Variants in GRID1 observed in about 807,000 individuals in gnomAD.
GRID1 encodes glutamate ionotropic receptor delta type subunit 1.
Under a neutral mutation model 98.0 loss-of-function variants are expected in GRID1, and 28 were observed. The observed-to-expected ratio is 0.29, with a 90% CI of 0.21 to 0.39. The LOEUF (loss-of-function observed/expected upper bound fraction) is 0.39. Among genes scored for constraint, GRID1 ranks in the 10% least tolerant of loss-of-function variants. The pLI is 1.00. For synonymous variants in GRID1, 553 were observed against 538.5 expected (o/e 1.03, Z -0.37); for missense variants, 1,111 against 1,340.5 (o/e 0.83, Z 2.67).
intron 4 of GRID1, among the ~76,000 whole-genome samples, chr10:85,985,208 T>G (rs1253062400): frequency 6.6e-6 from 1 of 152,206 alleles, no homozygotes; most frequent in East Asian, 1.9e-4. Context: ...GATGTTTCTA[T>G]CTCAAGTTGC....
intron 8 of GRID1, among the ~76,000 whole-genome samples, chr10:85,781,323 T>C (rs532323116): frequency 6.6e-6 from 1 of 152,330 alleles, no homozygotes; most frequent in African/African-American, 2.4e-5. Flanking sequence ...GAAGAACATT[T>C]CCCTTCAAAT....
chr10:86,249,656 T>C (rs1846789295), intron 2 of GRID1, among the ~76,000 whole-genome samples: 2 of 151,588 alleles, frequency 1.3e-5, no homozygotes, highest in African/African-American at 2.4e-5. Flanking sequence ...CAGGCCTCTA[T>C]GCCTTTGCCC....
At chr10:85,804,340 A>G (rs2132756168) in intron 8 of GRID1, among the ~76,000 whole-genome samples, 1 of 152,058 alleles carries the variant, frequency 6.6e-6, no homozygotes, top group East Asian at 1.9e-4. Context: ...AGAACTAAGA[A>G]TTCTAAATAG....
chr10:85,845,124 AC>A (rs1233134447), intron 8 of GRID1, among the ~76,000 whole-genome samples: 17 of 151,986 alleles, frequency 1.1e-4, no homozygotes, highest in Admixed American at 3.9e-4. Context: ...TAAAAAAAAA[AC>A]AATTAGAAAT....
intron 2 of GRID1, among the ~76,000 whole-genome samples, chr10:86,346,245 C>T (rs918128089): frequency 1.3e-5 from 2 of 152,260 alleles, no homozygotes; most frequent in Admixed American, 1.3e-4. Flanking sequence ...GCCCACCTTA[C>T]ACCCCTTAAG....
At chr10:85,648,830 T>C (rs1259027455) in intron 12 of GRID1, among the ~76,000 whole-genome samples, 1 of 152,200 alleles carries the variant, frequency 6.6e-6, no homozygotes, top group Non-Finnish European at 1.5e-5. Context: ...CCTTGTGGGC[T>C]TCTATGGCAG....
intron 4 of GRID1, among the ~76,000 whole-genome samples, chr10:85,966,739 G>A (rs764371127): frequency 1.4e-4 from 21 of 151,968 alleles, no homozygotes; most frequent in Middle Eastern, 6.8e-3. Flanking sequence ...ACTTGAACCC[G>A]AGAGGCAGAG....
chr10:86,095,274 C>T (rs1428190500), intron 4 of GRID1, among the ~76,000 whole-genome samples: 3 of 152,146 alleles, frequency 2.0e-5, no homozygotes, highest in Non-Finnish European at 4.4e-5. Context: ...ATTGGAAAAA[C>T]TCTTCCAGAC....
chr10:86,069,809 A>AT (rs1175214238), intron 4 of GRID1, among the ~76,000 whole-genome samples: 1 of 152,198 alleles, frequency 6.6e-6, no homozygotes, highest in African/African-American at 2.4e-5. Context: ...CCTGTTAGCC[A>AT]TAACACTCCT....
At chr10:86,259,412 T>C (rs186144655) in intron 2 of GRID1, among the ~76,000 whole-genome samples, 1 of 152,358 alleles carries the variant, frequency 6.6e-6, no homozygotes. Context: ...TGTGTGCGTG[T>C]AAACAATGCG....
intron 6 of GRID1, among the ~76,000 whole-genome samples, chr10:85,865,901 TTACATATATACATATA>T (rs1390812384): frequency 2.1e-5 from 2 of 95,118 alleles, no homozygotes; most frequent in African/African-American, 9.5e-5. Context: ...ATAAAGTGTT[TTACATATATACATATA>T]TATATATATA....
intron 12 of GRID1, among the ~76,000 whole-genome samples, chr10:85,677,377 AG>A (rs1247351735): frequency 3.9e-5 from 6 of 152,170 alleles, no homozygotes; most frequent in Non-Finnish European, 1.5e-5. Context: ...GATTCAGTTG[AG>A]GGGGAGTAGG....
At chr10:86,161,865 A>G (rs2131986964) in intron 3 of GRID1, among the ~76,000 whole-genome samples, 1 of 152,380 alleles carries the variant, frequency 6.6e-6, no homozygotes, top group South Asian at 2.1e-4. Flanking sequence ...CCAAGAGGAA[A>G]TCAAACAAAA....
intron 12 of GRID1, among the ~76,000 whole-genome samples, chr10:85,669,081 T>C (rs932983191): frequency 6.6e-6 from 1 of 152,194 alleles, no homozygotes; most frequent in Non-Finnish European, 1.5e-5. Flanking sequence ...AATCACAGGG[T>C]TCCCCATTCT....
chr10:85,635,045 A>C (rs1285811671), intron 13 of GRID1, among the ~76,000 whole-genome samples: 3 of 147,116 alleles, frequency 2.0e-5, no homozygotes, highest in African/African-American at 7.5e-5. Context: ...ATCAGATTTA[A>C]GAGAAGTCAA....
intron 2 of GRID1, among the ~76,000 whole-genome samples, chr10:86,266,267 CA>C (rs1847101369): frequency 6.6e-6 from 1 of 152,116 alleles, no homozygotes; most frequent in South Asian, 2.1e-4. Context: ...CACCAACCCC[CA>C]ATGCACAGCA....
intron 4 of GRID1, among the ~76,000 whole-genome samples, chr10:86,011,120 T>C (rs1009733873): frequency 6.9e-6 from 1 of 144,304 alleles, no homozygotes; most frequent in African/African-American, 2.4e-5. Context: ...AATAGCCGAT[T>C]GCAATAAGAA....
intron 8 of GRID1, among the ~76,000 whole-genome samples, chr10:85,740,176 G>A (rs1044037701): frequency 3.3e-5 from 5 of 152,120 alleles, no homozygotes; most frequent in Non-Finnish European, 7.4e-5. Flanking sequence ...TCTATAGTGG[G>A]ACAAGCCAGG....
chr10:85,959,355 A>T (rs1258829867), intron 4 of GRID1, among the ~76,000 whole-genome samples: 2 of 152,244 alleles, frequency 1.3e-5, no homozygotes, highest in African/African-American at 2.4e-5. Context: ...TAAAGGGAAC[A>T]AGACGAGGTG....
Sources: allele counts gnomAD v4.1 joint callset (sites outside exome capture counted in the v4.1 genomes callset), GRCh38; gene constraint gnomAD v4.1.1; transcripts MANE v1.5; gene names NCBI Gene and HGNC (gene_info 2026-07-23, HGNC 2026-07-21).